ZNF469: variants seen among roughly 807,000 people sequenced by gnomAD.
ZNF469 encodes zinc finger protein 469.
In ZNF469, 1 loss-of-function variant was observed where a neutral mutation model predicts 1.0. The ratio of observed to expected loss-of-function variants is 1.00; its 90% CI spans 0.35 to 4.73. The LOEUF is 4.73. ZNF469 is among the 30% of genes most tolerant of loss of function. ZNF469 has a pLI of 0.16. For missense variants in ZNF469, 6,100 were observed against 5,356.3 expected (o/e 1.14, Z -4.33); for synonymous variants, 2,703 against 2,363.4 (o/e 1.14, Z -4.17).
chr16:88,194,205 C>T, the ZNF469 span: 1 of 152,404 alleles, frequency 6.6e-6, no homozygotes, highest in South Asian at 2.1e-4. Context: ...GCACAGCCTG[C>T]TCAGGCCACA....
At chr16:88,314,112 A>G in the ZNF469 span, among the ~76,000 whole-genome samples, 1 of 139,770 alleles carries the variant, frequency 7.2e-6, no homozygotes, top group Non-Finnish European at 1.6e-5. Context: ...GTGGACTGTC[A>G]TCTCTGTAAT....
At chr16:88,112,469 G>A in the ZNF469 span, among the ~76,000 whole-genome samples, 22,138 of 152,152 alleles carry the variant, frequency 0.15, 2,031 homozygotes, top group East Asian at 0.32. Flanking sequence ...TTTGGATAAA[G>A]GCCATTTTAA....
At chr16:88,230,036 G>A in the ZNF469 span, among the ~76,000 whole-genome samples, 5 of 152,256 alleles carry the variant, frequency 3.3e-5, no homozygotes, top group South Asian at 2.1e-4. Flanking sequence ...ACTCTCCATC[G>A]GGAAGGCTCA....
chr16:88,215,384 T>TTC, the ZNF469 span, among the ~76,000 whole-genome samples: 1 of 1,714 alleles, frequency 5.8e-4, no homozygotes, highest in Non-Finnish European at 2.8e-3. Context: ...TGCCTTTTAA[T>TTC]TTTTTTTTTT....
At chr16:88,240,834 TCCC>T in the ZNF469 span, among the ~76,000 whole-genome samples, 2 of 151,928 alleles carry the variant, frequency 1.3e-5, no homozygotes, top group South Asian at 2.1e-4. Flanking sequence ...CCGGCCCACT[TCCC>T]CTCCCCAGCT....
chr16:88,297,695 G>C, the ZNF469 span, among the ~76,000 whole-genome samples: 5,447 of 152,200 alleles, frequency 0.036, 234 homozygotes, highest in East Asian at 0.16. Flanking sequence ...GTGGGCCGGA[G>C]CCCCCTCTGC....
the ZNF469 span, among the ~76,000 whole-genome samples, chr16:88,374,723 C>CGGTGGGCTGAGCTCGGCGCCGTGTGT: frequency 2.0e-5 from 3 of 152,164 alleles, no homozygotes; most frequent in Non-Finnish European, 4.4e-5. Context: ...GCACCATGTG[C>CGGTGGGCTGAGCTCGGCGCCGTGTGT]GGTGGGCTGA....
chr16:88,239,667 G>GTA, the ZNF469 span, among the ~76,000 whole-genome samples: 39 of 28,206 alleles, frequency 1.4e-3, no homozygotes, highest in Non-Finnish European at 2.2e-3. Context: ...TTTTTTTTTT[G>GTA]TATATATATA....
chr16:88,127,922 T>G, the ZNF469 span, among the ~76,000 whole-genome samples: 11 of 152,144 alleles, frequency 7.2e-5, no homozygotes, highest in Admixed American at 5.9e-4. Context: ...TCAAAGAGTT[T>G]ATTCCCAAAA....
chr16:88,282,721 T>C, the ZNF469 span, among the ~76,000 whole-genome samples: 3 of 152,286 alleles, frequency 2.0e-5, no homozygotes, highest in African/African-American at 7.2e-5. Flanking sequence ...TCACTGTCAA[T>C]TGTCAGCACG....
the ZNF469 span, among the ~76,000 whole-genome samples, chr16:88,106,110 C>T: frequency 6.6e-6 from 1 of 152,238 alleles, no homozygotes; most frequent in Non-Finnish European, 1.5e-5. Flanking sequence ...CAACATCTGG[C>T]CCAGCACAGT....
Position 88,430,198 on chromosome 16 carries a change from AC to A in ZNF469, c.2734del (p.Arg912AlafsTer40), listed in dbSNP as rs1567510759. On this transcript the variant is annotated frameshift_variant, in exon 3 of 3. Coordinates refer to ENST00000565624, the MANE Select transcript of ZNF469 (RefSeq NM_001367624.2). LOFTEE classifies it low-confidence loss of function (END_TRUNC). ...PLPAATPDPQ[T>X]PRPGDRGCPA... The stretch of plus-strand genomic sequence containing the variant: ...CCCAGCAGCCACGCCGGACCCCCAA[AC>A]CCCCCGCCCTGGGGACAGGGGCTGC... The A allele has an allele frequency of 6.5e-7, 1 of 1,543,874 alleles. No individual in the cohort carries two copies. The highest frequency in any genetic ancestry group is 8.7e-7 in the Non-Finnish European group (1 of 1,143,830).
chr16:88,430,965 C>G lies in ZNF469; in HGVS notation c.3495C>G (p.Pro1165=), dbSNP rs770873172. 5.2e-5 allele frequency: 80 copies of G among 1,536,938 alleles called. 1 individual carries two copies. The South Asian group carries it at 8.3e-4, about 16-fold the overall frequency. ...AGCCGGGCGGGTCTCGCCCGGGCCC[C>G]GGCAGGAGCCCTCAGGCCCGTGGCC... ...PEEPGGSRPG[P]GRSPQARGPS... The change falls in exon 3 of 3, where the codon CCC becomes CCG. Residue 1165 remains proline, a synonymous_variant. Coordinates refer to ENST00000565624, the MANE Select transcript of ZNF469 (RefSeq NM_001367624.2).
At chr16:88,121,208 T>C in the ZNF469 span, among the ~76,000 whole-genome samples, 1 of 88,776 alleles carries the variant, frequency 1.1e-5, no homozygotes, top group African/African-American at 4.5e-5. Flanking sequence ...GCACCCACTG[T>C]GTACCATGCA....
At chr16:88,231,845 C>T in the ZNF469 span, among the ~76,000 whole-genome samples, 3 of 152,182 alleles carry the variant, frequency 2.0e-5, no homozygotes, top group African/African-American at 7.2e-5. This position sits in a 1 kb window ranked among gnomAD's most constrained non-coding sequence, Gnocchi z 4.5. Context: ...GAACATATTC[C>T]CAGGATCTGG....
chr16:88,189,047 G>A, the ZNF469 span, among the ~76,000 whole-genome samples: 14 of 152,144 alleles, frequency 9.2e-5, no homozygotes, highest in African/African-American at 2.9e-4. The surrounding 1 kb of genome is among the most constrained non-coding windows in gnomAD (Gnocchi z 4.3). Context: ...CCCCAATGAG[G>A]GGAGGATGTC....
chr16:88,420,736 G>T (rs891979903), intron 1 of ZNF469, among the ~76,000 whole-genome samples: 3 of 152,248 alleles, frequency 2.0e-5, no homozygotes, highest in African/African-American at 7.2e-5. Context: ...CCATGAGGTG[G>T]CTTGCGTTGT....
the ZNF469 span, among the ~76,000 whole-genome samples, chr16:88,323,914 A>ACCC: frequency 1.0e-3 from 152 of 152,114 alleles, no homozygotes; most frequent in African/African-American, 3.6e-3. Context: ...CCACCATTTC[A>ACCC]CCCCTCCCAG....
At chr16:88,140,116 C>T in the ZNF469 span, among the ~76,000 whole-genome samples, 3 of 152,002 alleles carry the variant, frequency 2.0e-5, no homozygotes, top group Non-Finnish European at 4.4e-5. Context: ...TTATTTAATA[C>T]AAAAGAGGGA....
Sources: gnomAD v4.1 joint callset for allele counts (sites outside exome capture counted in the v4.1 genomes callset) on GRCh38, gnomAD v4.1.1 for gene constraint, Gnocchi (gnomAD v3.1) non-coding constraint, MANE v1.5 for transcripts, NCBI Gene and HGNC (gene_info 2026-07-23, HGNC 2026-07-21) for gene names.